PTPRN2: variants seen among roughly 807,000 people sequenced by gnomAD.
PTPRN2 encodes the protein receptor-type tyrosine-protein phosphatase N2.
In PTPRN2, 74 loss-of-function variants were observed where a neutral mutation model predicts 118.8. That is an observed-to-expected ratio of 0.62 (90% CI 0.52 to 0.76). The LOEUF (loss-of-function observed/expected upper bound fraction) is 0.76. PTPRN2 is among the 30% of genes least tolerant of loss of function. PTPRN2 has a pLI of 0.00. For synonymous variants in PTPRN2, 641 were observed against 608.0 expected (o/e 1.05, Z -0.80); for missense variants, 1,481 against 1,394.4 (o/e 1.06, Z -0.99).
chr7:157,672,096 C>T (rs963863739), intron 13 of PTPRN2, among the ~76,000 whole-genome samples: 4 of 152,014 alleles, frequency 2.6e-5, no homozygotes, highest in African/African-American at 4.8e-5. Flanking sequence ...GGCCACGGGT[C>T]GCACGTGGGG....
intron 2 of PTPRN2, among the ~76,000 whole-genome samples, chr7:158,441,045 A>ACGG (rs1563295465): frequency 2.0e-5 from 2 of 100,068 alleles, no homozygotes; most frequent in African/African-American, 9.2e-5. Context: ...GGTAGTAGTG[A>ACGG]TGGTGGTAGT....
intron 17 of PTPRN2, among the ~76,000 whole-genome samples, chr7:157,581,113 G>A (rs1048466516): frequency 7.3e-5 from 7 of 95,438 alleles, no homozygotes; most frequent in African/African-American, 2.6e-4. Flanking sequence ...CTGCACACCC[G>A]AGCACCTGGA....
intron 5 of PTPRN2, among the ~76,000 whole-genome samples, chr7:158,186,689 G>A (rs532434715): frequency 2.3e-3 from 344 of 149,844 alleles, no homozygotes; most frequent in Non-Finnish European, 4.4e-3. Context: ...TGCCCCCTCT[G>A]TCAGAAGCCC....
chr7:158,301,337 C>T (rs1376517910), intron 3 of PTPRN2, among the ~76,000 whole-genome samples: 5 of 152,212 alleles, frequency 3.3e-5, no homozygotes, highest in Admixed American at 1.3e-4. Flanking sequence ...CTCCCCTCCT[C>T]CCTGTTCTGA....
chr7:158,441,594 G>GATGGTA (rs1817242013), intron 2 of PTPRN2, among the ~76,000 whole-genome samples: 3 of 148,872 alleles, frequency 2.0e-5, no homozygotes, highest in Admixed American at 6.6e-5. Context: ...TGGTGGTGGT[G>GATGGTA]ATAGTGATGG....
At chr7:158,243,024 C>G (rs191855510) in intron 3 of PTPRN2, among the ~76,000 whole-genome samples, 301 of 152,310 alleles carry the variant, frequency 2.0e-3, no homozygotes, top group African/African-American at 6.6e-3. Flanking sequence ...TGTTTCTTCT[C>G]TAATCATTGT....
chr7:157,856,255 G>A (rs1433380542), intron 12 of PTPRN2: 1 of 152,264 alleles, frequency 6.6e-6, no homozygotes, highest in East Asian at 1.9e-4. Context: ...AGTCGTGACT[G>A]TGGATGACTT....
intron 12 of PTPRN2, among the ~76,000 whole-genome samples, chr7:157,826,901 G>A (rs1246184108): frequency 6.6e-6 from 1 of 152,142 alleles, no homozygotes. Flanking sequence ...CATCTGCCCA[G>A]GAGCACGACT....
chr7:158,270,866 AC>A (rs1798368814), intron 3 of PTPRN2, among the ~76,000 whole-genome samples: 1 of 17,384 alleles, frequency 5.8e-5, no homozygotes, highest in Non-Finnish European at 9.5e-5. Context: ...CCCCACCTGG[AC>A]CGCCCCCTCC....
intron 6 of PTPRN2, among the ~76,000 whole-genome samples, chr7:158,141,622 A>G (rs1298645219): frequency 6.6e-6 from 1 of 152,076 alleles, no homozygotes; most frequent in African/African-American, 2.4e-5. Context: ...CTGTAAGGAC[A>G]CATTTTTTGA....
chr7:157,606,358 G>C (rs972154166), intron 15 of PTPRN2, among the ~76,000 whole-genome samples: 4 of 152,198 alleles, frequency 2.6e-5, no homozygotes, highest in Non-Finnish European at 4.4e-5. Flanking sequence ...GGGGGTGGGG[G>C]TGGGGTCCTG....
chr7:157,667,708 AACTC>A (rs1388059440), intron 13 of PTPRN2, among the ~76,000 whole-genome samples: 1 of 152,218 alleles, frequency 6.6e-6, no homozygotes, highest in Non-Finnish European at 1.5e-5. Context: ...TCCACCGCAA[AACTC>A]AATGTGATGC....
intron 2 of PTPRN2, among the ~76,000 whole-genome samples, chr7:158,424,596 G>A (rs1018532704): frequency 3.9e-5 from 6 of 152,252 alleles, no homozygotes; most frequent in African/African-American, 1.2e-4. Context: ...GCCAGCACGC[G>A]TAATGCCCAG....
chr7:157,949,506 C>A (rs1800682604), intron 11 of PTPRN2, among the ~76,000 whole-genome samples: 3 of 152,232 alleles, frequency 2.0e-5, no homozygotes, highest in Admixed American at 1.3e-4. Context: ...TAAATATTTA[C>A]TGAAGGCATC....
chr7:158,136,072 G>A (rs1818782054), intron 8 of PTPRN2, among the ~76,000 whole-genome samples: 1 of 152,248 alleles, frequency 6.6e-6, no homozygotes, highest in African/African-American at 2.4e-5. Context: ...CGGAGCAGCA[G>A]TGCCCACGGG....
rs60922362 is a variant in PTPRN2 at position 157,720,079 on chromosome 7, G to A, written c.1789-37142C>T. ...AGAGGAAATTCCTTTGGAATTTAGG[G>A]GAAAGAATAAGACTTTTGGCTGGGG... is the stretch of plus-strand genomic sequence containing the variant. On this transcript the variant is annotated intron_variant, in intron 12 of 22. Coordinates refer to ENST00000389418, the MANE Select transcript of PTPRN2 (RefSeq NM_002847.5). Among the ~76,000 whole-genome samples, 1,385 of 152,290 alleles carry A rather than the reference G, an allele frequency of 9.1e-3. 23 individuals carry two copies. The highest frequency in any genetic ancestry group is 0.032 in the African/African-American group (1,311 of 41,564).
intron 15 of PTPRN2, among the ~76,000 whole-genome samples, chr7:157,613,408 C>T (rs922576411): frequency 2.6e-5 from 4 of 152,198 alleles, no homozygotes; most frequent in African/African-American, 9.7e-5. Context: ...TCCGGGCGGG[C>T]CCCACGTCGC....
chr7:158,361,579 ACAG>A (rs1350896615), intron 2 of PTPRN2, among the ~76,000 whole-genome samples: 3 of 152,108 alleles, frequency 2.0e-5, no homozygotes, highest in African/African-American at 7.2e-5. Context: ...TGAGACCCAA[ACAG>A]CCCTCCAGAG....
At chr7:157,688,843 G>A (rs1585241513) in intron 12 of PTPRN2, among the ~76,000 whole-genome samples, 1 of 151,598 alleles carries the variant, frequency 6.6e-6, no homozygotes, top group East Asian at 2.0e-4. Context: ...CCGCTTCCCC[G>A]TCCCTCCCCC....
Sources: gnomAD v4.1 joint callset for allele counts (sites outside exome capture counted in the v4.1 genomes callset) on GRCh38, gnomAD v4.1.1 for gene constraint, MANE v1.5 for transcripts, NCBI Gene and HGNC (gene_info 2026-07-23, HGNC 2026-07-21) for gene names.